Variants in STAG2 observed in about 807,000 individuals in gnomAD.
The protein encoded by STAG2 is cohesin subunit SA-2.
A neutral mutation model predicts 108.1 loss-of-function variants in STAG2; 14 were observed. The observed-to-expected ratio is 0.13, with a 90% confidence interval of 0.09 to 0.20. The LOEUF (loss-of-function observed/expected upper bound fraction) is 0.20, where lower values mean the gene tolerates loss of function less well. STAG2 is among the 10% of genes least tolerant of loss of function. The pLI is 1.00. For synonymous variants in STAG2, 307 were observed against 302.7 expected (o/e 1.01, Z -0.15); for missense variants, 440 against 940.9 (o/e 0.47, Z 6.96).
Position 124,006,661 on chromosome X carries a change from G to C in STAG2, c.-162-14706G>C, listed in dbSNP as rs144444386. The stretch of plus-strand genomic sequence containing the variant: ...TCACTGTGTTCATCAGGATGGTCTT[G>C]ATCTCCTGACCTTGTGATCCGCCCA... On this transcript the variant is annotated intron_variant, in intron 1 of 34. Coordinates refer to ENST00000371145, the MANE Select transcript of STAG2 (RefSeq NM_001042750.2). 6.3e-3 allele frequency among the ~76,000 whole-genome samples: 693 copies of C among 110,544 alleles called. 9 individuals are homozygous for C. The highest frequency in any genetic ancestry group is 0.022 in the African/African-American group (656 of 30,399).
intron 30 of STAG2, among the ~76,000 whole-genome samples, chrX:124,089,835 C>T (rs2059207332): frequency 1.8e-5 from 2 of 110,141 alleles, no homozygotes; most frequent in Non-Finnish European, 3.8e-5. Context: ...TATGAAATTG[C>T]CCTTTTTGTA....
intron 3 of STAG2, among the ~76,000 whole-genome samples, chrX:124,025,231 C>G (rs1479030336): frequency 8.9e-6 from 1 of 111,758 alleles, no homozygotes; most frequent in Non-Finnish European, 1.9e-5. Context: ...AAACTGTTCT[C>G]CTGACTATAG....
intron 6 of STAG2, among the ~76,000 whole-genome samples, chrX:124,041,217 C>T (rs1214540117): frequency 6.9e-5 from 7 of 101,350 alleles, no homozygotes; most frequent in African/African-American, 2.7e-4. Context: ...TTAAAACAAT[C>T]ATTTTTTTTT....
chrX:124,010,435 C>T (rs1020521260), intron 1 of STAG2, among the ~76,000 whole-genome samples: 6 of 111,471 alleles, frequency 5.4e-5, no homozygotes, highest in African/African-American at 9.8e-5. Flanking sequence ...AGGGTCCATC[C>T]GTGTTGTAAT....
At chrX:124,026,057 G>C in intron 4 of STAG2, 139 bp downstream of exon 4, 1 of 332,745 alleles carries the variant, frequency 3.0e-6, no homozygotes, top group Non-Finnish European at 5.3e-6. Flanking sequence ...TAAGCCTTCT[G>C]AGTAAATGTG....
At chrX:124,013,313 AC>A (rs2056585274) in intron 1 of STAG2, among the ~76,000 whole-genome samples, 2 of 98,969 alleles carry the variant, frequency 2.0e-5, no homozygotes, top group Admixed American at 1.1e-4. Flanking sequence ...ACATGCACAC[AC>A]ACACACACAA....
intron 25 of STAG2, among the ~76,000 whole-genome samples, chrX:124,073,085 G>A (rs1192238752): frequency 9.2e-6 from 1 of 109,084 alleles, no homozygotes; most frequent in Non-Finnish European, 1.9e-5. Flanking sequence ...CATGTACAAA[G>A]TGTTGTGGGC....
intron 25 of STAG2, among the ~76,000 whole-genome samples, chrX:124,075,056 C>G (rs1246301589): frequency 9.0e-6 from 1 of 111,462 alleles, no homozygotes; most frequent in Non-Finnish European, 1.9e-5. Context: ...AATTCTTACT[C>G]TTTAAATTTG....
rs1338367524 is a variant in STAG2 at position 124,032,128 on chromosome X, A to ATTT, written c.288+1004_288+1006dup. Among the ~76,000 whole-genome samples the ATTT allele has an allele frequency of 5.4e-5, 6 of 111,996 alleles. No individual in the cohort carries two copies. The Admixed American group carries it at 5.7e-4, about 11-fold the overall frequency. On this transcript the variant is annotated intron_variant, in intron 5 of 34. Coordinates refer to ENST00000371145, the MANE Select transcript of STAG2 (RefSeq NM_001042750.2). ...GCTATGAGGTCTCAATTTTCCCTGA[A>ATTT]TTTATATAGATGCCATTAAAATACG...
intron 1 of STAG2, among the ~76,000 whole-genome samples, chrX:124,004,507 C>T (rs2056197828): frequency 8.9e-6 from 1 of 111,835 alleles, no homozygotes; most frequent in Admixed American, 9.6e-5. Context: ...CTAGGTTCAT[C>T]CATGTTGTAG....
chrX:124,025,738 G>T (rs1306159652), intron 3 of STAG2, 102 bp from the exon 4 acceptor site: 1 of 519,570 alleles, frequency 1.9e-6, no homozygotes, highest in African/African-American at 2.4e-5. Flanking sequence ...ATGAAGTTTT[G>T]TAATGAGTTA....
At chrX:124,028,985 T>A (rs1189346879) in intron 4 of STAG2, among the ~76,000 whole-genome samples, 51 of 63,992 alleles carry the variant, frequency 8.0e-4, no homozygotes, top group African/African-American at 3.3e-3. Context: ...TTATTTTTAT[T>A]TATATATATA....
intron 23 of STAG2, among the ~76,000 whole-genome samples, chrX:124,067,646 T>TA (rs1357638438): frequency 2.7e-5 from 3 of 111,659 alleles, no homozygotes; most frequent in Middle Eastern, 4.6e-3. Context: ...GTGACTATAT[T>TA]ACCATGTATA....
chrX:123,994,449 A>G (rs568895325), intron 1 of STAG2, among the ~76,000 whole-genome samples: 7 of 111,853 alleles, frequency 6.3e-5, no homozygotes, highest in African/African-American at 2.3e-4. Flanking sequence ...ACCCAAAGCA[A>G]ATGCCTATTG....
At chrX:123,964,047 C>G (rs1194248465) in intron 1 of STAG2, among the ~76,000 whole-genome samples, 1 of 111,351 alleles carries the variant, frequency 9.0e-6, no homozygotes, top group African/African-American at 3.3e-5. Context: ...TACAGAAGCG[C>G]TCATTGTTAC....
chrX:123,990,141 GA>G (rs2055383248), intron 1 of STAG2, among the ~76,000 whole-genome samples: 2 of 111,562 alleles, frequency 1.8e-5, no homozygotes. Flanking sequence ...GAAGCGGCTG[GA>G]CCAGCGGCTC....
intron 3 of STAG2, 111 bp downstream of exon 3, chrX:124,022,782 A>AGCTATTTTATATAT: frequency 2.1e-6 from 1 of 465,614 alleles, no homozygotes; most frequent in Non-Finnish European, 3.5e-6. Flanking sequence ...AATATATAAA[A>AGCTATTTTATATAT]TAGCTTTTAT....
chrX:124,085,533 A>G (rs1402250579), intron 29 of STAG2, among the ~76,000 whole-genome samples: 2 of 110,887 alleles, frequency 1.8e-5, no homozygotes, highest in Non-Finnish European at 3.8e-5. Context: ...TCACACCTGT[A>G]ATCCCAGCAT....
intron 7 of STAG2, among the ~76,000 whole-genome samples, chrX:124,043,317 CATGGTGGGGG>C (rs2057778346): frequency 9.2e-6 from 1 of 108,945 alleles, no homozygotes; most frequent in Non-Finnish European, 1.9e-5. Context: ...TTAGTAGAGA[CATGGTGGGGG>C]GTGGTGGGCG....
Sources: allele counts gnomAD v4.1 joint callset (sites outside exome capture counted in the v4.1 genomes callset), GRCh38; gene constraint gnomAD v4.1.1; transcripts MANE v1.5; gene names NCBI Gene and HGNC (gene_info 2026-07-23, HGNC 2026-07-21).